Variants in OTUD7A observed in about 807,000 individuals in gnomAD.
The protein encoded by OTUD7A is OTU deubiquitinase 7A.
OTUD7A carries 12 observed loss-of-function variants against 65.7 expected under a neutral mutation model. The ratio of observed to expected loss-of-function variants is 0.18; its 90% confidence interval spans 0.12 to 0.30. The LOEUF is 0.30. Among genes scored for constraint, OTUD7A ranks in the 10% least tolerant of loss-of-function variants. The pLI, the probability that OTUD7A is intolerant of heterozygous loss-of-function variation, is 1.00. For missense variants in OTUD7A, 1,148 were observed against 1,304.8 expected (o/e 0.88, Z 1.85); for synonymous variants, 641 against 586.3 (o/e 1.09, Z -1.35).
At chr15:31,577,899 A>C (rs1175623497) in intron 3 of OTUD7A, among the ~76,000 whole-genome samples, 1 of 152,078 alleles carries the variant, frequency 6.6e-6, no homozygotes, top group Non-Finnish European at 1.5e-5. Flanking sequence ...AATTCACATC[A>C]AAAAATAAGC....
At chr15:31,519,835 T>C (rs540904095) in intron 8 of OTUD7A, among the ~76,000 whole-genome samples, 2 of 152,340 alleles carry the variant, frequency 1.3e-5, no homozygotes, top group African/African-American at 2.4e-5. Flanking sequence ...ATGAAAGCAG[T>C]AGCATTTCTA....
intron 1 of OTUD7A, among the ~76,000 whole-genome samples, chr15:31,733,901 C>T (rs370586114): frequency 3.5e-4 from 53 of 150,780 alleles, no homozygotes; most frequent in South Asian, 2.3e-3. Context: ...GCTACAGGTA[C>T]GGAGACAGGA....
chr15:31,625,329 C>T (rs1890919404), intron 3 of OTUD7A, among the ~76,000 whole-genome samples: 1 of 151,568 alleles, frequency 6.6e-6, no homozygotes, highest in Admixed American at 6.6e-5. Flanking sequence ...TCTTAGGCTG[C>T]TAAATTTTGG....
Position 31,767,166 on chromosome 15 carries a change from T to C in OTUD7A, c.-100+103341A>G, listed in dbSNP as rs1385854288. 9 of 1,266,462 alleles carry C rather than the reference T, an allele frequency of 7.1e-6. No individual in the cohort carries two copies. The Admixed American group carries it at 1.1e-4, about 16-fold the overall frequency. The allele number at this position is 1,266,462 out of a possible 1,614,324, so 78.5% of individuals were successfully genotyped here. On this transcript the variant is annotated intron_variant, in intron 1 of 12. Transcript: ENST00000307050. ...ACTGAGAAGGCGGCACTCAGTTGAT[T>C]TGAAGGAACTCAAATTGTTTAAGTG... is the stretch of plus-strand genomic sequence containing the variant.
intron 10 of OTUD7A, among the ~76,000 whole-genome samples, chr15:31,501,470 T>C (rs2041463926): frequency 6.6e-6 from 1 of 152,204 alleles, no homozygotes; most frequent in Non-Finnish European, 1.5e-5. Context: ...CTTTGTTTAG[T>C]ATTTTAAAGA....
At chr15:31,749,360 T>A (rs527472521) in intron 1 of OTUD7A, among the ~76,000 whole-genome samples, 2 of 152,248 alleles carry the variant, frequency 1.3e-5, no homozygotes. Context: ...CTGGTAGAAG[T>A]ATACATTGGC....
At chr15:31,731,099 G>T (rs143117792) in intron 1 of OTUD7A, among the ~76,000 whole-genome samples, 1 of 152,218 alleles carries the variant, frequency 6.6e-6, no homozygotes, top group African/African-American at 2.4e-5. Context: ...CATTTGTGGC[G>T]TAATCTGTTT....
intron 5 of OTUD7A, among the ~76,000 whole-genome samples, chr15:31,541,361 G>A (rs1387422285): frequency 6.6e-6 from 1 of 152,114 alleles, no homozygotes; most frequent in Non-Finnish European, 1.5e-5. Flanking sequence ...AACCCTCATT[G>A]ATTTTTACTT....
chr15:31,858,165 C>A (rs2141012412), intron 1 of OTUD7A, among the ~76,000 whole-genome samples: 1 of 152,272 alleles, frequency 6.6e-6, no homozygotes, highest in African/African-American at 2.4e-5. Context: ...AAGGCCCGAG[C>A]AGCCCGCTGA....
intron 1 of OTUD7A, chr15:31,766,387 T>C (rs1895095391): frequency 3.2e-6 from 5 of 1,584,988 alleles, no homozygotes; most frequent in Admixed American, 3.3e-5. Context: ...AGAGCATCGA[T>C]GGCAACCCTC....
intron 1 of OTUD7A, among the ~76,000 whole-genome samples, chr15:31,739,761 G>T (rs1405331266): frequency 6.6e-6 from 1 of 152,064 alleles, no homozygotes; most frequent in African/African-American, 2.4e-5. Context: ...TAGTAGAGAT[G>T]GGTTTTTGCC....
rs546422172 is a variant in OTUD7A at position 31,739,650 on chromosome 15, T to C, written c.-99-82573A>G. On this transcript the variant is annotated intron_variant, in intron 1 of 12. Coordinates refer to ENST00000307050, the MANE Select transcript of OTUD7A (RefSeq NM_001382637.1). ...CTCTGTTGCCCAGGCTGGAGTGCAG[T>C]GGCACCATCTCAGCTTACTGCAACC... 4.1e-4 allele frequency among the ~76,000 whole-genome samples: 62 copies of C among 152,256 alleles called. No individual in the cohort carries two copies. The South Asian group carries it at 0.011, about 28-fold the overall frequency.
At chr15:31,526,313 G>A (rs1203535131) in intron 8 of OTUD7A, 36 bp downstream of exon 8, 1 of 1,539,896 alleles carries the variant, frequency 6.5e-7, no homozygotes, top group Non-Finnish European at 8.7e-7. Context: ...CCTGGAGCTG[G>A]AGGTGACTTC....
intron 3 of OTUD7A, among the ~76,000 whole-genome samples, chr15:31,592,392 T>A (rs763807586): frequency 4.6e-5 from 7 of 152,144 alleles, no homozygotes; most frequent in Admixed American, 4.6e-4. Flanking sequence ...AAAAAAAAAT[T>A]AAACATTTTT....
chr15:31,805,784 G>C (rs1896255314), intron 1 of OTUD7A, among the ~76,000 whole-genome samples: 1 of 152,168 alleles, frequency 6.6e-6, no homozygotes, highest in Non-Finnish European at 1.5e-5. Context: ...GAGTTCTCCG[G>C]AGATCTTCCT....
At chr15:31,627,135 A>T (rs1024328810) in intron 3 of OTUD7A, among the ~76,000 whole-genome samples, 1 of 151,818 alleles carries the variant, frequency 6.6e-6, no homozygotes, top group Non-Finnish European at 1.5e-5. Flanking sequence ...ACATGTGCAC[A>T]ATGTGCAGGT....
At chr15:31,499,041 C>T (rs553294942) in intron 10 of OTUD7A, among the ~76,000 whole-genome samples, 4 of 152,196 alleles carry the variant, frequency 2.6e-5, no homozygotes, top group East Asian at 1.9e-4. Flanking sequence ...GAGAGGCACT[C>T]GATGAGAAGT....
chr15:31,855,402 A>G (rs939621638), intron 1 of OTUD7A, among the ~76,000 whole-genome samples: 1 of 152,214 alleles, frequency 6.6e-6, no homozygotes, highest in Non-Finnish European at 1.5e-5. Context: ...AGAATTCTTC[A>G]AGTTTGAGTG....
chr15:31,729,486 T>A (rs1283316316), intron 1 of OTUD7A, among the ~76,000 whole-genome samples: 2 of 152,224 alleles, frequency 1.3e-5, no homozygotes, highest in Non-Finnish European at 1.5e-5. Context: ...TTTAAAGTAG[T>A]AAAGAACATG....
Sources: gnomAD v4.1 joint callset for allele counts (sites outside exome capture counted in the v4.1 genomes callset) on GRCh38, gnomAD v4.1.1 for gene constraint, MANE v1.5 for transcripts, NCBI Gene and HGNC (gene_info 2026-07-23, HGNC 2026-07-21) for gene names.